Variants in XKR4 observed in about 807,000 individuals in gnomAD.
The protein encoded by XKR4 is XK-related protein 4.
XKR4 carries 12 observed loss-of-function variants against 53.9 expected under a neutral mutation model. The observed-to-expected ratio is 0.22, with a 90% confidence interval of 0.14 to 0.36. XKR4 has a LOEUF of 0.36. Among genes scored for constraint, XKR4 ranks in the 10% least tolerant of loss-of-function variants. The pLI is 1.00. For missense variants in XKR4, 799 were observed against 859.5 expected (o/e 0.93, Z 0.88); for synonymous variants, 354 against 362.4 (o/e 0.98, Z 0.26).
intron 1 of XKR4, among the ~76,000 whole-genome samples, chr8:55,103,732 A>C (rs909071748): frequency 6.6e-6 from 1 of 151,476 alleles, no homozygotes; most frequent in South Asian, 2.1e-4. Context: ...CCTGGGGAAA[A>C]AAAATTGCTA....
chr8:55,461,529 A>G (rs1042670560), intron 2 of XKR4, among the ~76,000 whole-genome samples: 3 of 152,210 alleles, frequency 2.0e-5, no homozygotes, highest in Non-Finnish European at 2.9e-5. Context: ...GGGGGAAAAA[A>G]CAGAGCAGAA....
At chr8:55,283,323 T>C (rs921504499) in intron 1 of XKR4, among the ~76,000 whole-genome samples, 2 of 152,198 alleles carry the variant, frequency 1.3e-5, no homozygotes, top group Non-Finnish European at 2.9e-5. Context: ...ATAGTGGACA[T>C]AGACTGAGAA....
At chr8:55,478,934 C>A (rs1411073413) in intron 2 of XKR4, among the ~76,000 whole-genome samples, 1 of 152,060 alleles carries the variant, frequency 6.6e-6, no homozygotes, top group African/African-American at 2.4e-5. Context: ...GACTTAGACT[C>A]CCACACAATA....
At chr8:55,125,574 G>T (rs112279452) in intron 1 of XKR4, among the ~76,000 whole-genome samples, 1,558 of 152,106 alleles carry the variant, frequency 0.01, 26 homozygotes, top group African/African-American at 0.036. Context: ...CATTAATATG[G>T]TAAAATCCTT....
rs1350608801 is a variant in XKR4, at chr8:55,537,660, A to T, written c.*13433A>T. Reference sequence around the variant, plus strand: ...ATTCTACACTCAGTGCCAAGTTAGAATGTCTTTATGGGGAAGGCAATAAAG... The same window carrying T: ...ATTCTACACTCAGTGCCAAGTTAGATTGTCTTTATGGGGAAGGCAATAAAG... On this transcript the variant is annotated 3_prime_UTR_variant, in exon 3 of 3. Coordinates refer to ENST00000327381, the MANE Select transcript of XKR4 (RefSeq NM_052898.2). 1 of 152,210 alleles carries T rather than the reference A, an allele frequency of 6.6e-6. No individual in the cohort carries two copies. Among genetic ancestry groups the T allele is most frequent in the Non-Finnish European group, 1.5e-5 (1 of 68,038 alleles). 9.4% of individuals were successfully genotyped at this position (152,210 alleles called of 1,614,324 possible).
chr8:55,402,405 G>A (rs1404993356), intron 2 of XKR4, among the ~76,000 whole-genome samples: 1 of 152,144 alleles, frequency 6.6e-6, no homozygotes, highest in African/African-American at 2.4e-5. Context: ...CAGGATTGAG[G>A]TTTCCTTCAA....
At chr8:55,219,081 A>C (rs890703143) in intron 1 of XKR4, among the ~76,000 whole-genome samples, 1 of 151,490 alleles carries the variant, frequency 6.6e-6, no homozygotes, top group Admixed American at 6.6e-5. Context: ...AAAAAAGGAT[A>C]GTCATGAATC....
intron 1 of XKR4, among the ~76,000 whole-genome samples, chr8:55,110,163 T>C (rs1283339186): frequency 6.6e-6 from 1 of 152,216 alleles, no homozygotes. Flanking sequence ...CAGGAGGGAA[T>C]GTTTTATCAG....
intron 2 of XKR4, among the ~76,000 whole-genome samples, chr8:55,389,312 A>G: frequency 6.6e-6 from 1 of 152,210 alleles, no homozygotes; most frequent in Non-Finnish European, 1.5e-5. Flanking sequence ...CCAGAAAACT[A>G]ATATATTCTC....
At chr8:55,510,805 T>G (rs1021948577) in intron 2 of XKR4, among the ~76,000 whole-genome samples, 2 of 152,174 alleles carry the variant, frequency 1.3e-5, no homozygotes, top group Non-Finnish European at 2.9e-5. Context: ...AGAGACAGCA[T>G]GTAAAGGAGC....
intron 1 of XKR4, among the ~76,000 whole-genome samples, chr8:55,342,614 C>A (rs1196432181): frequency 3.3e-5 from 5 of 152,110 alleles, no homozygotes; most frequent in Non-Finnish European, 5.9e-5. Context: ...TGGAATGGAC[C>A]ACACACACTG....
intron 2 of XKR4, among the ~76,000 whole-genome samples, chr8:55,444,194 A>G (rs1037149981): frequency 6.6e-6 from 1 of 152,314 alleles, no homozygotes; most frequent in Non-Finnish European, 1.5e-5. Context: ...AAACAAAACA[A>G]AAAAGACTCC....
intron 1 of XKR4, among the ~76,000 whole-genome samples, chr8:55,165,206 A>G (rs1466978223): frequency 6.6e-6 from 1 of 152,208 alleles, no homozygotes; most frequent in Non-Finnish European, 1.5e-5. Context: ...GAGTCTCTCA[A>G]TGTGAGACTA....
At chr8:55,452,093 G>T in intron 2 of XKR4, 1 of 699,710 alleles carries the variant, frequency 1.4e-6, no homozygotes, top group Non-Finnish European at 2.6e-6. Context: ...CGGGTGTGTA[G>T]GTAGAGCCCA....
rs993652504 is a variant in XKR4, at chr8:55,536,257, A to G, written c.*12030A>G. The G allele has an allele frequency of 6.6e-6, 1 of 152,238 alleles. No homozygotes were observed. Among genetic ancestry groups the G allele is most frequent in the African/African-American group, 2.4e-5 (1 of 41,464 alleles). 9.4% of individuals were successfully genotyped at this position (152,238 alleles called of 1,614,324 possible). ...TGGAGGTGGAAAGAAATGAACAGTT[A>G]AGCAATTTTTCAACATAGACAAAAC... On this transcript the variant is annotated 3_prime_UTR_variant, in exon 3 of 3. Coordinates refer to ENST00000327381, the MANE Select transcript of XKR4 (RefSeq NM_052898.2).
At chr8:55,518,073 C>T (rs1426484303) in intron 2 of XKR4, among the ~76,000 whole-genome samples, 1 of 152,162 alleles carries the variant, frequency 6.6e-6, no homozygotes, top group Non-Finnish European at 1.5e-5. Context: ...TCATTCTCTT[C>T]GTGGAAGAAT....
chr8:55,260,218 ACT>A (rs1383228267), intron 1 of XKR4, among the ~76,000 whole-genome samples: 1 of 152,092 alleles, frequency 6.6e-6, no homozygotes, highest in South Asian at 2.1e-4. Context: ...CTTTAACCTG[ACT>A]CTCTCAGAGA....
intron 2 of XKR4, among the ~76,000 whole-genome samples, chr8:55,503,642 C>G (rs1041970071): frequency 6.6e-6 from 1 of 152,084 alleles, no homozygotes; most frequent in Non-Finnish European, 1.5e-5. Flanking sequence ...ATTATGTTAT[C>G]TATTCAGAGA....
At chr8:55,241,512 G>T (rs1355039041) in intron 1 of XKR4, among the ~76,000 whole-genome samples, 2 of 152,186 alleles carry the variant, frequency 1.3e-5, no homozygotes, top group Admixed American at 1.3e-4. Context: ...TCCTGGGACA[G>T]CAGTAAGTGA....
Sources: allele counts gnomAD v4.1 joint callset (sites outside exome capture counted in the v4.1 genomes callset), GRCh38; gene constraint gnomAD v4.1.1; transcripts MANE v1.5; gene names NCBI Gene and HGNC (gene_info 2026-07-23, HGNC 2026-07-21).